The following CEP120 variants were observed in gnomAD, a reference collection of about 807,000 sequenced individuals.
CEP120 encodes centrosomal protein 120.
A neutral mutation model predicts 126.5 loss-of-function variants in CEP120; 113 were observed. The ratio of observed to expected loss-of-function variants is 0.89; its 90% CI spans 0.77 to 1.04. The LOEUF is 1.04. Among genes scored for constraint, CEP120 ranks in the 50% least tolerant of loss-of-function variants. The pLI is 0.00. For missense variants in CEP120, 1,230 were observed against 1,155.7 expected (o/e 1.06, Z -0.93); for synonymous variants, 400 against 394.3 (o/e 1.01, Z -0.17).
intron 3 of CEP120, among the ~76,000 whole-genome samples, chr5:123,412,764 T>C (rs1328770231): frequency 6.6e-6 from 1 of 152,214 alleles, no homozygotes; most frequent in South Asian, 2.1e-4. Flanking sequence ...TCTTTGCTTG[T>C]CTTCCTATGC....
chr5:123,353,035 C>T (rs1580627845), intron 18 of CEP120, among the ~76,000 whole-genome samples: 1 of 152,012 alleles, frequency 6.6e-6, no homozygotes, highest in Non-Finnish European at 1.5e-5. Context: ...TTTTAGCTCT[C>T]TAAATACATC....
chr5:123,402,235 T>G, intron 4 of CEP120: 2 of 1,516,570 alleles, frequency 1.3e-6, no homozygotes, highest in South Asian at 2.3e-5. Flanking sequence ...TGGGAGAAGC[T>G]TGAGGAGCTG....
At chr5:123,416,977 A>C (rs1215249450) in intron 2 of CEP120, among the ~76,000 whole-genome samples, 1 of 152,236 alleles carries the variant, frequency 6.6e-6, no homozygotes, top group Non-Finnish European at 1.5e-5. Flanking sequence ...TTTAGTTCGG[A>C]ACCCCTCAAC....
At chr5:123,396,782 C>A (rs1772818994) in intron 5 of CEP120, among the ~76,000 whole-genome samples, 1 of 152,098 alleles carries the variant, frequency 6.6e-6, no homozygotes, top group African/African-American at 2.4e-5. Flanking sequence ...TATATGGGAA[C>A]AAGAGAATAT....
chr5:123,399,354 G>T, intron 4 of CEP120, 70 bp from the exon 5 acceptor site: 2 of 1,421,576 alleles, frequency 1.4e-6, no homozygotes, highest in African/African-American at 1.4e-5. Context: ...TTTTAAAACT[G>T]ATTATATTTT....
intron 17 of CEP120, among the ~76,000 whole-genome samples, chr5:123,369,473 CT>C (rs1580659500): frequency 6.6e-6 from 1 of 151,956 alleles, no homozygotes; most frequent in East Asian, 1.9e-4. Context: ...ACCTAAACTC[CT>C]TGTCATGGCT....
rs2303720 is a variant in CEP120 at position 123,346,640 on chromosome 5, C to T, written c.2840G>A (p.Arg947His). 58,573 of 1,613,692 alleles carry T rather than the reference C, an allele frequency of 0.036. 1,684 individuals carry two copies. The highest frequency in any genetic ancestry group is 0.1 in the South Asian group (9,062 of 91,012). The change falls in exon 20 of 20, where the codon CGC (arginine) becomes CAC (histidine). Residue 947 changes from arginine to histidine, a missense_variant. By Grantham distance (29) the Arg-to-His change is conservative. Coordinates refer to ENST00000306467, the MANE Select transcript of CEP120 (RefSeq NM_001375405.1). ...LEEGLDDYLT[R>H]LIEERDTLMR... ...CAAAGTATCCCTTTCTTCTATCAGG[C>T]GAGTCAAATAATCATCCAAACCTTC...
chr5:123,365,975 T>C (rs1294864316), intron 17 of CEP120, among the ~76,000 whole-genome samples: 1 of 151,520 alleles, frequency 6.6e-6, no homozygotes, highest in African/African-American at 2.4e-5. Flanking sequence ...TGTTCTGCCA[T>C]AATTATTAAA....
At chr5:123,399,339 A>G (rs1043196553) in intron 4 of CEP120, 55 bp from the exon 5 acceptor site, 8 of 1,520,980 alleles carry the variant, frequency 5.3e-6, no homozygotes, top group East Asian at 2.3e-5. Flanking sequence ...AAACCATTAT[A>G]AGATTTTTAA....
At chr5:123,355,556 A>T (rs931003890) in intron 18 of CEP120, among the ~76,000 whole-genome samples, 5 of 151,994 alleles carry the variant, frequency 3.3e-5, no homozygotes, top group Admixed American at 6.6e-5. Context: ...GCATTTTTTC[A>T]TGTGTTTTTT....
chr5:123,348,300 G>A (rs1768972416), intron 19 of CEP120, among the ~76,000 whole-genome samples: 1 of 152,110 alleles, frequency 6.6e-6, no homozygotes, highest in Admixed American at 6.5e-5. Flanking sequence ...CTACAAATTT[G>A]ATAGGCAACA....
At chr5:123,415,009 A>G (rs1266214961) in intron 3 of CEP120, among the ~76,000 whole-genome samples, 1 of 141,598 alleles carries the variant, frequency 7.1e-6, no homozygotes, top group East Asian at 2.3e-4. Flanking sequence ...AAAAGCCCTA[A>G]GCAGCACCAT....
Position 123,393,571 on chromosome 5 carries a change from T to A in CEP120, c.613-74A>T, listed in dbSNP as rs1772549490. Reference sequence around the variant, plus strand: ...AACATGCTTAGTGTATCTATTACATTCCAAAAACATTTGCTAAAATGTTTT... The same window carrying A: ...AACATGCTTAGTGTATCTATTACATACCAAAAACATTTGCTAAAATGTTTT... On this transcript the variant is annotated intron_variant, in intron 5 of 19. Coordinates refer to ENST00000306467, the MANE Select transcript of CEP120 (RefSeq NM_001375405.1). The A allele has an allele frequency of 7.4e-6, 9 of 1,215,992 alleles. No homozygotes were observed. In the Admixed American group the frequency reaches 1.9e-4, roughly 26 times the overall value. The allele number at this position is 1,215,992 out of a possible 1,614,324, so 75.3% of individuals were successfully genotyped here. A position where few individuals can be genotyped will look rare whatever the true frequency, so the allele number is the denominator to read the frequency against.
intron 18 of CEP120, among the ~76,000 whole-genome samples, chr5:123,352,346 C>T (rs571116958): frequency 2.0e-5 from 3 of 151,994 alleles, no homozygotes; most frequent in South Asian, 2.1e-4. Flanking sequence ...CTATTTAAGA[C>T]ATTTTTTTTG....
intron 18 of CEP120, among the ~76,000 whole-genome samples, chr5:123,362,814 C>A (rs1159326709): frequency 6.6e-6 from 1 of 151,628 alleles, no homozygotes; most frequent in African/African-American, 2.4e-5. Context: ...TTTTTAAGCC[C>A]AATCATTCTC....
chr5:123,363,912 T>C (rs1770267366), intron 18 of CEP120, among the ~76,000 whole-genome samples: 2 of 151,574 alleles, frequency 1.3e-5, no homozygotes, highest in Non-Finnish European at 3.0e-5. Context: ...TTATTCATAA[T>C]TTCTTCAAAT....
At chr5:123,349,673 C>G (rs970487180) in intron 19 of CEP120, among the ~76,000 whole-genome samples, 1 of 152,116 alleles carries the variant, frequency 6.6e-6, no homozygotes, top group Non-Finnish European at 1.5e-5. Context: ...AGGTCTCACT[C>G]TGTCACTCAG....
rs1768730893 is a variant in CEP120 at position 123,345,295 on chromosome 5, T to C, written c.*1224A>G. 6.6e-6 allele frequency: 1 copy of C among 152,124 alleles called. No individual in the cohort carries two copies. The highest frequency in any genetic ancestry group is 2.4e-5 in the African/African-American group (1 of 41,442). The allele number at this position is 152,124 out of a possible 1,614,324, so 9.4% of individuals were successfully genotyped here. A position where few individuals can be genotyped will look rare whatever the true frequency, so the allele number is the denominator to read the frequency against. ...ATAAGGAAAAAATATATAATAAATATAGGGACTTTAATTTCCCTAATAAGA... is the reference window on the plus strand; with the variant it reads ...ATAAGGAAAAAATATATAATAAATACAGGGACTTTAATTTCCCTAATAAGA... On this transcript the variant is annotated 3_prime_UTR_variant, in exon 20 of 20. Transcript: ENST00000306467.
chr5:123,366,640 T>G (rs899319180), intron 17 of CEP120, among the ~76,000 whole-genome samples: 44 of 151,900 alleles, frequency 2.9e-4, no homozygotes, highest in African/African-American at 1.1e-3. Flanking sequence ...TTTATATTCC[T>G]ACCACTACTT....
Sources: gnomAD v4.1 joint callset for allele counts (sites outside exome capture counted in the v4.1 genomes callset) on GRCh38, gnomAD v4.1.1 for gene constraint, MANE v1.5 for transcripts, NCBI Gene and HGNC (gene_info 2026-07-23, HGNC 2026-07-21) for gene names.